The following PDXK variants were observed in gnomAD, a reference collection of about 807,000 sequenced individuals.
PDXK encodes pyridoxal kinase.
A neutral mutation model predicts 43.2 loss-of-function variants in PDXK; 15 were observed. The ratio of observed to expected loss-of-function variants is 0.35; its 90% confidence interval spans 0.23 to 0.53. The LOEUF is 0.53. Ranked by LOEUF, PDXK falls within the 20% of genes least tolerant of loss-of-function variation. The probability of loss-of-function intolerance (pLI) is 0.92; values close to 1 mark genes in which losing one functional copy is unlikely to be tolerated. For missense variants in PDXK, 343 were observed against 417.0 expected (o/e 0.82, Z 1.54); for synonymous variants, 172 against 165.4 (o/e 1.04, Z -0.31).
At position 43,755,976 on chromosome 21, in the gene PDXK, C is replaced by T. The variant is rs2083843589; in HGVS notation, c.852C>T (p.Pro284=). 3.1e-6 allele frequency: 5 copies of T among 1,612,500 alleles called. No homozygotes were observed. The South Asian group carries it at 5.5e-5, about 18-fold the overall frequency. Residue 284 remains proline, a synonymous_variant, in exon 11 of 11, where the codon CCC becomes CCT. Coordinates refer to ENST00000291565, the MANE Select transcript of PDXK (RefSeq NM_003681.5). ...CCCAGGCCGGGGAAGGAGTGAGGCC[C>T]AGCCCCATGCAGCTGGAGCTGCGGA... ...AKAQAGEGVR[P]SPMQLELRMV...
rs1403621819 is a variant in PDXK at position 43,734,113 on chromosome 21, A to G, written c.132A>G (p.Ser44=). ...EIDAVNSVQF[S]NHTGYAHWKG... ...ACGCGGTGAACTCTGTCCAGTTTTCAAACCACACAGGTAAGGCGTTGGCTC... is the reference window on the plus strand; with the variant it reads ...ACGCGGTGAACTCTGTCCAGTTTTCGAACCACACAGGTAAGGCGTTGGCTC... The change falls in exon 2 of 11, where the codon TCA becomes TCG. Residue 44 remains serine (S), a synonymous_variant. Coordinates refer to ENST00000291565, the MANE Select transcript of PDXK (RefSeq NM_003681.5). The surrounding 1 kb of genome is among the most constrained non-coding windows in gnomAD (Gnocchi z 5.0). 1 of 1,614,140 alleles carries G rather than the reference A, an allele frequency of 6.2e-7. No individual in the cohort carries two copies. Among genetic ancestry groups the G allele is most frequent in the Non-Finnish European group, 8.5e-7 (1 of 1,179,978 alleles).
chr21:43,730,438 TTAGAGTATG>T (rs1277039707), intron 1 of PDXK, among the ~76,000 whole-genome samples: 3 of 152,186 alleles, frequency 2.0e-5, no homozygotes, highest in Admixed American at 1.3e-4. Flanking sequence ...CATATCTGAT[TTAGAGTATG>T]TACTGCCAAG....
chr21:43,727,887 T>C (rs1328801307), intron 1 of PDXK, among the ~76,000 whole-genome samples: 1 of 152,240 alleles, frequency 6.6e-6, no homozygotes, highest in Non-Finnish European at 1.5e-5. Flanking sequence ...TCAGGAATGC[T>C]GCTTTGGCAA....
chr21:43,726,112 C>A (rs188467855), intron 1 of PDXK, among the ~76,000 whole-genome samples: 3 of 152,092 alleles, frequency 2.0e-5, no homozygotes, highest in Admixed American at 6.6e-5. Flanking sequence ...TCTGGTATTT[C>A]TTCTTTTTCT....
chr21:43,744,332 CA>C, intron 4 of PDXK: 1 of 158,212 alleles, frequency 6.3e-6, no homozygotes, highest in Admixed American at 6.1e-5. Context: ...GTGCTGGATC[CA>C]TCTTGACGCC....
chr21:43,742,690 G>A (rs980052522), intron 3 of PDXK, among the ~76,000 whole-genome samples: 3 of 152,014 alleles, frequency 2.0e-5, no homozygotes, highest in Admixed American at 6.5e-5. Flanking sequence ...CAGCCTGAGC[G>A]GCATAGTGAG....
chr21:43,760,599 C>T lies in PDXK; in HGVS notation c.*4536C>T, dbSNP rs543305548. ...GCCAGGTCCCTGCGTCCATCCCCCC[C>T]GGTAGGATGGACGTGAGCCATCCTT... On this transcript the variant is annotated 3_prime_UTR_variant, in exon 11 of 11. Transcript: ENST00000291565. The T allele has an allele frequency of 5.9e-5, 9 of 152,380 alleles. No homozygotes were observed. In the South Asian group the frequency reaches 6.2e-4, roughly 11 times the overall value. 9.4% of individuals were successfully genotyped at this position (152,380 alleles called of 1,614,324 possible).
At chr21:43,721,152 G>A (rs1462723170) in intron 1 of PDXK, among the ~76,000 whole-genome samples, 1 of 152,202 alleles carries the variant, frequency 6.6e-6, no homozygotes, top group Non-Finnish European at 1.5e-5. Context: ...TGTGATGACC[G>A]AGGGGCTGAG....
chr21:43,747,366 T>C (rs2083656498), intron 5 of PDXK, among the ~76,000 whole-genome samples: 1 of 152,236 alleles, frequency 6.6e-6, no homozygotes, highest in Non-Finnish European at 1.5e-5. Context: ...TCTTTGTCGT[T>C]GTGTCTAGGG....
intron 6 of PDXK, 26 bp from the exon 7 acceptor site, chr21:43,750,473 AC>A (rs1431729183): frequency 5.7e-6 from 9 of 1,584,970 alleles, no homozygotes; most frequent in Non-Finnish European, 7.7e-6. Flanking sequence ...ACCTGTCCCC[AC>A]CCGCCTGTCC....
chr21:43,726,905 T>G (rs1339791874), intron 1 of PDXK, among the ~76,000 whole-genome samples: 1 of 152,152 alleles, frequency 6.6e-6, no homozygotes, highest in Non-Finnish European at 1.5e-5. Context: ...CATGCATGTG[T>G]GCATGTGGGA....
intron 1 of PDXK, among the ~76,000 whole-genome samples, chr21:43,731,085 C>G (rs889138253): frequency 2.0e-5 from 3 of 152,118 alleles, no homozygotes; most frequent in Non-Finnish European, 4.4e-5. Flanking sequence ...ATCCTCCAGC[C>G]TCAGCCTCCC....
rs747755897 is a variant in PDXK, at chr21:43,736,976, C to G, written c.142+2853C>G. On this transcript the variant is annotated intron_variant, in intron 2 of 10. Coordinates refer to ENST00000291565, the MANE Select transcript of PDXK (RefSeq NM_003681.5). ...TAGAGACAAGGTCGGTCTCTGTCGC[C>G]CAGGCTGGCGTGAAGTGGCGCAACC... 3 of 701,360 alleles carry G rather than the reference C, an allele frequency of 4.3e-6. No individual in the cohort carries two copies. In the East Asian group the frequency reaches 8.1e-5, roughly 19 times the overall value. The allele number at this position is 701,360 out of a possible 1,614,324, so 43.4% of individuals were successfully genotyped here.
chr21:43,752,878 C>T (rs1037487553), intron 8 of PDXK, among the ~76,000 whole-genome samples: 3 of 152,134 alleles, frequency 2.0e-5, no homozygotes, highest in South Asian at 2.1e-4. Context: ...CAGAGCCAGG[C>T]GGGGTCCCTG....
chr21:43,732,738 A>G lies in PDXK; in HGVS notation c.88-1331A>G. 1 of 686,362 alleles carries G rather than the reference A, an allele frequency of 1.5e-6. No homozygotes were observed. The highest frequency in any genetic ancestry group is 1.8e-5 in the African/African-American group (1 of 55,526). 42.5% of individuals were successfully genotyped at this position (686,362 alleles called of 1,614,324 possible). A position where few individuals can be genotyped will look rare whatever the true frequency, so the allele number is the denominator to read the frequency against. ...GGTACATTTGCAAAGTGCCCATTTT[A>G]TTTTTTATTTTTATTTTTATGTTTT... On this transcript the variant is annotated intron_variant, in intron 1 of 10. Transcript: ENST00000291565. This position sits in a 1 kb window ranked among gnomAD's most constrained non-coding sequence, Gnocchi z 4.1.
chr21:43,753,939 A>C (rs963835596), intron 9 of PDXK, among the ~76,000 whole-genome samples: 2 of 152,226 alleles, frequency 1.3e-5, no homozygotes, highest in Non-Finnish European at 2.9e-5. Context: ...CCTAGGGATG[A>C]TCAGAGTCTG....
rs1201751282 is a variant in PDXK, at chr21:43,735,777, C to T, written c.142+1654C>T. The stretch of plus-strand genomic sequence containing the variant: ...CTGTCTGTGCGGCCTGATCAGGAGG[C>T]CCCCGGGTAGCTTCCCTAAGGCTGT... On this transcript the variant is annotated intron_variant, in intron 2 of 10. Transcript: ENST00000291565. The surrounding 1 kb of genome is among the most constrained non-coding windows in gnomAD (Gnocchi z 5.3). 6.6e-6 allele frequency among the ~76,000 whole-genome samples: 1 copy of T among 151,766 alleles called. No homozygotes were observed. Among genetic ancestry groups the T allele is most frequent in the Non-Finnish European group, 1.5e-5 (1 of 67,888 alleles).
intron 4 of PDXK, among the ~76,000 whole-genome samples, chr21:43,744,902 A>T (rs2083610282): frequency 6.6e-6 from 1 of 152,234 alleles, no homozygotes; most frequent in Admixed American, 6.5e-5. Context: ...GTGTCCGTAC[A>T]TACAATGGAG....
chr21:43,735,295 A>G lies in PDXK; in HGVS notation c.142+1172A>G, dbSNP rs1450180430. On this transcript the variant is annotated intron_variant, in intron 2 of 10. Coordinates refer to ENST00000291565, the MANE Select transcript of PDXK (RefSeq NM_003681.5). The surrounding 1 kb of genome is among the most constrained non-coding windows in gnomAD (Gnocchi z 5.3). ...AGTGAGTGAGCTGGCCGGCTTGGAC[A>G]CTAAAGCAGGGTGTTGAGTGTGTTT... 3.9e-5 allele frequency among the ~76,000 whole-genome samples: 6 copies of G among 152,192 alleles called. No homozygotes were observed. Among genetic ancestry groups the G allele is most frequent in the African/African-American group, 9.7e-5 (4 of 41,444 alleles).
Sources: allele counts gnomAD v4.1 joint callset (sites outside exome capture counted in the v4.1 genomes callset), GRCh38; gene constraint gnomAD v4.1.1; non-coding constraint Gnocchi (gnomAD v3.1); transcripts MANE v1.5; gene names NCBI Gene and HGNC (gene_info 2026-07-23, HGNC 2026-07-21).